The following LGSN variants were observed in gnomAD, a reference collection of about 807,000 sequenced individuals.
The protein encoded by LGSN is lengsin, lens protein with glutamine synthetase domain.
Under a neutral mutation model 19.5 loss-of-function variants are expected in LGSN, and 21 were observed. The observed-to-expected ratio is 1.07, with a 90% CI of 0.76 to 1.55. The LOEUF is 1.55. Among genes scored for constraint, LGSN ranks in the 40% most tolerant of loss-of-function variants. The pLI is 0.00. For missense variants in LGSN, 673 were observed against 608.5 expected (o/e 1.11, Z -1.12); for synonymous variants, 257 against 215.6 (o/e 1.19, Z -1.68).
chr6:63,553,900 G>A, the LGSN span, among the ~76,000 whole-genome samples: 1 of 152,262 alleles, frequency 6.6e-6, no homozygotes, highest in Admixed American at 6.5e-5. Flanking sequence ...GGCTACAGTA[G>A]TTTAAAACAG....
the LGSN span, among the ~76,000 whole-genome samples, chr6:63,388,320 T>C: frequency 6.6e-6 from 1 of 152,196 alleles, no homozygotes; most frequent in Non-Finnish European, 1.5e-5. Context: ...TACCAGCTTC[T>C]TGATGAGAAA....
At chr6:63,467,398 A>G in the LGSN span, among the ~76,000 whole-genome samples, 1 of 152,078 alleles carries the variant, frequency 6.6e-6, no homozygotes, top group South Asian at 2.1e-4. Context: ...ATAAAACACA[A>G]TCAGTGTATT....
chr6:63,400,145 G>C, the LGSN span, among the ~76,000 whole-genome samples: 1 of 152,162 alleles, frequency 6.6e-6, no homozygotes, highest in African/African-American at 2.4e-5. Context: ...GTAATAAATA[G>C]ATGTTAGTTG....
chr6:63,516,207 C>T, the LGSN span, among the ~76,000 whole-genome samples: 1 of 152,160 alleles, frequency 6.6e-6, no homozygotes, highest in Non-Finnish European at 1.5e-5. Flanking sequence ...GTACACCAGG[C>T]AATTCTCTAA....
chr6:63,283,587 G>A (rs1290143586), intron 3 of LGSN, among the ~76,000 whole-genome samples: 2 of 148,668 alleles, frequency 1.3e-5, no homozygotes, highest in Non-Finnish European at 3.0e-5. Flanking sequence ...ACACACACAT[G>A]CAATGTTTAG....
chr6:63,437,703 C>G, the LGSN span, among the ~76,000 whole-genome samples: 1 of 151,944 alleles, frequency 6.6e-6, no homozygotes, highest in Non-Finnish European at 1.5e-5. Context: ...GAGGCTGAGG[C>G]GGGCGGATTT....
the LGSN span, among the ~76,000 whole-genome samples, chr6:63,447,157 T>C: frequency 6.6e-6 from 1 of 152,266 alleles, no homozygotes; most frequent in Non-Finnish European, 1.5e-5. Flanking sequence ...GCTAAACTAA[T>C]GCAGACTCTG....
At chr6:63,338,925 C>T in the LGSN span, among the ~76,000 whole-genome samples, 2 of 151,948 alleles carry the variant, frequency 1.3e-5, no homozygotes, top group African/African-American at 4.8e-5. Context: ...TTCATAGACC[C>T]AATTATTATT....
At chr6:63,290,334 T>C (rs907012686) in intron 2 of LGSN, among the ~76,000 whole-genome samples, 10 of 152,216 alleles carry the variant, frequency 6.6e-5, no homozygotes, top group African/African-American at 2.4e-4. Flanking sequence ...ATACAAGATC[T>C]TTCTCCAGAT....
At chr6:63,489,093 A>T in the LGSN span, among the ~76,000 whole-genome samples, 1 of 152,196 alleles carries the variant, frequency 6.6e-6, no homozygotes, top group Non-Finnish European at 1.5e-5. Context: ...ATATACTACT[A>T]AGCAAAAATG....
chr6:63,349,347 G>A, the LGSN span, among the ~76,000 whole-genome samples: 1 of 152,182 alleles, frequency 6.6e-6, no homozygotes, highest in Non-Finnish European at 1.5e-5. Flanking sequence ...TAGCTGATGA[G>A]AAACATGGTT....
At chr6:63,351,417 GAGAGAGAGAGAGAGAGGA>G in the LGSN span, among the ~76,000 whole-genome samples, 1 of 145,886 alleles carries the variant, frequency 6.9e-6, no homozygotes, top group Non-Finnish European at 1.5e-5. Context: ...CTGTGTGTGT[GAGAGAGAGAGAGAGAGGA>G]AGAGAGAGAG....
chr6:63,552,856 A>G, the LGSN span, among the ~76,000 whole-genome samples: 17 of 152,080 alleles, frequency 1.1e-4, no homozygotes, highest in African/African-American at 3.9e-4. Flanking sequence ...GATGTGTGGT[A>G]TTATTTCTGA....
the LGSN span, among the ~76,000 whole-genome samples, chr6:63,432,179 G>GAAAAGA: frequency 9.8e-4 from 111 of 113,578 alleles, 3 homozygotes; most frequent in East Asian, 4.1e-3. Context: ...GAAAAGGAAA[G>GAAAAGA]AAAGAAAAGA....
the LGSN span, among the ~76,000 whole-genome samples, chr6:63,568,912 T>C: frequency 4.6e-5 from 7 of 152,194 alleles, no homozygotes; most frequent in Non-Finnish European, 7.4e-5. Flanking sequence ...TTATGGCCCA[T>C]TGGGGTATTT....
the LGSN span, among the ~76,000 whole-genome samples, chr6:63,519,743 T>C: frequency 6.6e-6 from 1 of 152,254 alleles, no homozygotes; most frequent in Non-Finnish European, 1.5e-5. Context: ...AATTCAATGT[T>C]AAAACTATAG....
chr6:63,302,925 G>A (rs949069909), intron 1 of LGSN, among the ~76,000 whole-genome samples: 7 of 151,964 alleles, frequency 4.6e-5, no homozygotes, highest in African/African-American at 1.7e-4. Context: ...TCAGGAGTTC[G>A]AGTCCAGCCT....
chr6:63,519,410 C>T, the LGSN span, among the ~76,000 whole-genome samples: 2 of 152,164 alleles, frequency 1.3e-5, no homozygotes, highest in Admixed American at 6.5e-5. Flanking sequence ...AAAACACTTC[C>T]TCTTTTCATA....
the LGSN span, among the ~76,000 whole-genome samples, chr6:63,526,803 GTATATATATA>G: frequency 2.7e-4 from 27 of 101,440 alleles, no homozygotes; most frequent in African/African-American, 3.9e-4. Context: ...TCTCAAAAAT[GTATATATATA>G]TATATATATA....
Sources: gnomAD v4.1 joint callset for allele counts (sites outside exome capture counted in the v4.1 genomes callset) on GRCh38, gnomAD v4.1.1 for gene constraint, MANE v1.5 for transcripts, NCBI Gene and HGNC (gene_info 2026-07-23, HGNC 2026-07-21) for gene names.